The following TEX101 variants were observed in gnomAD, a reference collection of about 807,000 sequenced individuals.
TEX101 encodes the protein testis-expressed protein 101.
A neutral mutation model predicts 18.1 loss-of-function variants in TEX101; 10 were observed. The observed-to-expected ratio is 0.55, with a 90% CI of 0.34 to 0.94. The LOEUF is 0.94. TEX101 is among the 40% of genes least tolerant of loss of function. The pLI is 0.02. For synonymous variants in TEX101, 94 were observed against 114.8 expected (o/e 0.82, Z 1.16); for missense variants, 259 against 298.9 (o/e 0.87, Z 0.98).
chr19:43,410,796 GCA>G (rs771276932), upstream of TEX101, among the ~76,000 whole-genome samples: 11 of 149,698 alleles, frequency 7.3e-5, no homozygotes, highest in African/African-American at 2.2e-4. Context: ...ACAGACATGT[GCA>G]CACACAAACA....
chr19:43,415,933 G>C lies in TEX101; in HGVS notation c.14G>C (p.Arg5Pro). MGTP[R>P]IQHLLILLVL... ...CCAGAAGAAGCCATGGGAACCCCTC[G>C]TATCCAGCATTTGCTGATCCTCCTG... The change falls in exon 2 of 6, where the codon CGT (arginine) becomes CCT (proline). Residue 5 changes from arginine to proline, a missense_variant. Transcript: ENST00000598265. 1.2e-6 allele frequency: 2 copies of C among 1,614,102 alleles called. No homozygotes were observed. The highest frequency in any genetic ancestry group is 8.5e-7 in the Non-Finnish European group (1 of 1,180,030).
At chr19:43,388,835 G>T in the TEX101 span, among the ~76,000 whole-genome samples, 1 of 152,138 alleles carries the variant, frequency 6.6e-6, no homozygotes, top group Non-Finnish European at 1.5e-5. Context: ...ATGGATGTGA[G>T]GGGGGTTTCT....
Position 43,416,100 on chromosome 19 carries a change from G to C in TEX101, c.66G>C (p.Ser22=), listed in dbSNP as rs376732734. The change falls in exon 3 of 6, where the codon TCG becomes TCC. Residue 22 remains serine, a splice_region_variant and synonymous_variant. Coordinates refer to ENST00000598265, the MANE Select transcript of TEX101 (RefSeq NM_001130011.3). ...ATCCTTTTCTTGTTTTCTCCTCAGC[G>C]GGCCTAGAGCTGTATTGTCAAAAGG... ...LLVLGASLLT[S]GLELYCQKGL... is the part of the protein sequence containing the mutation. The C allele has an allele frequency of 1.9e-5, 30 of 1,607,404 alleles. No homozygotes were observed. Among genetic ancestry groups the C allele is most frequent in the Non-Finnish European group, 2.5e-5 (30 of 1,177,042 alleles).
upstream of TEX101, among the ~76,000 whole-genome samples, chr19:43,413,234 G>C (rs111724957): frequency 6.6e-6 from 1 of 152,126 alleles, no homozygotes; most frequent in Admixed American, 6.5e-5. Flanking sequence ...TTGGCCAGGC[G>C]TGGTGGCTCA....
the TEX101 span, among the ~76,000 whole-genome samples, chr19:43,391,533 G>A: frequency 1.4e-5 from 2 of 146,862 alleles, no homozygotes; most frequent in Non-Finnish European, 3.0e-5. Context: ...TGTGCTTATT[G>A]GCCATTTGTA....
At chr19:43,399,867 G>A (rs1340452838), upstream of TEX101, among the ~76,000 whole-genome samples, 2 of 149,168 alleles carry the variant, frequency 1.3e-5, no homozygotes, top group Non-Finnish European at 1.5e-5. Context: ...GAGTGCTGGA[G>A]TGCAATGGTA....
rs1232187082 is a variant in TEX101, at chr19:43,418,177, A to G, written c.530A>G (p.Glu177Gly). 6.2e-7 allele frequency: 1 copy of G among 1,614,134 alleles called. No homozygotes were observed. The highest frequency in any genetic ancestry group is 8.5e-7 in the Non-Finnish European group (1 of 1,180,026). The change falls in exon 6 of 6, where the codon GAG becomes GGG. Residue 177 changes from glutamate (E) to glycine (G), a missense_variant. Transcript: ENST00000598265. ...CTTCCTTGTTCTATAGGTGGCATTG[A>G]GTCGTCTGTGGAGGTCAAAGGCTGT... ...GKLEITGGGI[E>G]SSVEVKGCTA... is the part of the protein sequence containing the mutation.
At position 43,416,362 on chromosome 19, in the gene TEX101, T is replaced by A. The variant is rs916592678; in HGVS notation, c.209-11T>A. The A allele has an allele frequency of 7.5e-6, 12 of 1,608,894 alleles. No homozygotes were observed. Among genetic ancestry groups the A allele is most frequent in the Non-Finnish European group, 7.6e-6 (9 of 1,176,690 alleles). On this transcript the variant is annotated splice_polypyrimidine_tract_variant and intron_variant, in intron 3 of 5. Coordinates refer to ENST00000598265, the MANE Select transcript of TEX101 (RefSeq NM_001130011.3). ...CACCATCCATTTCCCCTCCTTCCTG[T>A]CTCATAACAGGGACTGAGACAGCCA... is the stretch of plus-strand genomic sequence containing the variant.
At chr19:43,390,876 A>G in the TEX101 span, among the ~76,000 whole-genome samples, 2 of 150,736 alleles carry the variant, frequency 1.3e-5, no homozygotes, top group Admixed American at 6.6e-5. Context: ...CCCCAACTGG[A>G]ATTCTTTACC....
At chr19:43,403,788 C>A (rs980982856) in intron 2 of TEX101, among the ~76,000 whole-genome samples, 6 of 151,880 alleles carry the variant, frequency 4.0e-5, no homozygotes, top group African/African-American at 1.5e-4. Flanking sequence ...AAATCTGGCC[C>A]ACAAAGACCA....
In TEX101 at chr19:43,416,418, GGGA is replaced by G; in HGVS notation, c.260_262del (p.Glu87del). The G allele has an allele frequency of 1.2e-6, 2 of 1,614,178 alleles. No homozygotes were observed. The highest frequency in any genetic ancestry group is 8.5e-7 in the Non-Finnish European group (1 of 1,180,024). On this transcript the variant is annotated inframe_deletion, in exon 4 of 6. Transcript: ENST00000598265. ...GCCACGAAGGGCTGCATCCCGGAAG[GGGA>G]GGAGGCCATAACAATTGTCCAGCAC...
chr19:43,416,875 A>T (rs1012733367), intron 4 of TEX101, among the ~76,000 whole-genome samples: 1 of 152,046 alleles, frequency 6.6e-6, no homozygotes, highest in African/African-American at 2.4e-5. Context: ...TCTACTAAAA[A>T]TACAAAAATT....
intron 4 of TEX101, among the ~76,000 whole-genome samples, chr19:43,417,243 A>G (rs1970490068): frequency 1.3e-5 from 2 of 151,988 alleles, no homozygotes; most frequent in African/African-American, 2.4e-5. Context: ...TGGGGCTAAT[A>G]CTCAAAATGC....
chr19:43,415,808 T>C (rs1027823645), intron 1 of TEX101, 73 bp from the exon 2 acceptor site: 71 of 1,359,986 alleles, frequency 5.2e-5, no homozygotes, highest in Non-Finnish European at 7.2e-5. Context: ...AAGTCAGTAC[T>C]TGCCAGGACC....
the TEX101 span, among the ~76,000 whole-genome samples, chr19:43,393,795 G>A: frequency 1.3e-5 from 2 of 150,114 alleles, no homozygotes; most frequent in Non-Finnish European, 3.0e-5. Context: ...CTGGTAAGGT[G>A]CGGAGCAGGG....
At chr19:43,393,319 G>A in the TEX101 span, among the ~76,000 whole-genome samples, 3 of 152,210 alleles carry the variant, frequency 2.0e-5, no homozygotes, top group African/African-American at 4.8e-5. Context: ...GTGCCCCTGA[G>A]CTGCTCCACG....
At position 43,417,908 on chromosome 19, in the gene TEX101, C is replaced by T. The variant is rs147832314; in HGVS notation, c.422C>T (p.Pro141Leu). The change falls in exon 5 of 6, where the codon CCA becomes CTA. Residue 141 changes from proline to leucine, a missense_variant. Physicochemically the swap from Pro to Leu is moderately conservative, Grantham distance 98 (BLOSUM62 -3). Coordinates refer to ENST00000598265, the MANE Select transcript of TEX101 (RefSeq NM_001130011.3). The part of the protein sequence containing the change: ...ASTVSTTLHC[P>L]TCVALGTCFS... ...ACTGTGTCAACAACCCTCCATTGTC[C>T]AACCTGTGTGGCTTTGGGGACCTGT... 2.5e-6 allele frequency: 4 copies of T among 1,614,166 alleles called. No homozygotes were observed. Among genetic ancestry groups the T allele is most frequent in the Admixed American group, 1.7e-5 (1 of 60,014 alleles).
upstream of TEX101, among the ~76,000 whole-genome samples, chr19:43,412,733 G>A (rs1237204574): frequency 6.6e-6 from 1 of 151,948 alleles, no homozygotes; most frequent in African/African-American, 2.4e-5. Flanking sequence ...GATAACAAAG[G>A]GATTGAAGCT....
upstream of TEX101, among the ~76,000 whole-genome samples, chr19:43,396,615 G>A (rs1187945644): frequency 6.6e-6 from 1 of 152,110 alleles, no homozygotes; most frequent in East Asian, 1.9e-4. Flanking sequence ...CATCCTGAAG[G>A]AGGAACAGAG....
Sources: allele counts gnomAD v4.1 joint callset (sites outside exome capture counted in the v4.1 genomes callset), GRCh38; gene constraint gnomAD v4.1.1; transcripts MANE v1.5; gene names NCBI Gene and HGNC (gene_info 2026-07-23, HGNC 2026-07-21).